The following MAT2B variants were observed in gnomAD, a reference collection of about 807,000 sequenced individuals.
MAT2B encodes methionine adenosyltransferase 2 non-catalytic beta subunit, also known as methionine adenosyltransferase 2 subunit beta.
Under a neutral mutation model 36.1 loss-of-function variants are expected in MAT2B, and 16 were observed. The ratio of observed to expected loss-of-function variants is 0.44; its 90% CI spans 0.30 to 0.67. MAT2B has a LOEUF of 0.67. MAT2B is among the 30% of genes least tolerant of loss of function. The probability of loss-of-function intolerance (pLI) is 0.09; values close to 1 mark genes in which losing one functional copy is unlikely to be tolerated. For missense variants in MAT2B, 332 were observed against 398.2 expected, an observed-to-expected ratio of 0.83 and a Z score of 1.42; for synonymous variants, 148 against 136.9, an observed-to-expected ratio of 1.08 and a Z score of -0.57.
rs774634478 is a variant in MAT2B at position 163,518,320 on chromosome 5, C to G, written c.962C>G (p.Pro321Arg). 1.2e-6 allele frequency: 2 copies of G among 1,613,522 alleles called. No individual in the cohort carries two copies. The highest frequency in any genetic ancestry group is 2.2e-5 in the East Asian group (1 of 44,874). The change falls in exon 7 of 7, where the codon CCT becomes CGT. Residue 321 changes from proline (P) to arginine (R), a missense_variant. Coordinates refer to ENST00000321757, the MANE Select transcript of MAT2B (RefSeq NM_013283.5). Reference sequence around the variant, plus strand: ...ATTGGAATCAAAGAATCACTTTGGCCTTTCCTCATTGACAAGAGATGGAGA... The same window carrying G: ...ATTGGAATCAAAGAATCACTTTGGCGTTTCCTCATTGACAAGAGATGGAGA... ...FRIGIKESLW[P>R]FLIDKRWRQT...
In MAT2B at chr5:163,518,327, C is replaced by A; in HGVS notation, c.969C>A (p.Leu323=). The A allele has an allele frequency of 6.2e-7, 1 of 1,612,914 alleles. No individual in the cohort carries two copies. Among genetic ancestry groups the A allele is most frequent in the African/African-American group, 1.3e-5 (1 of 74,880 alleles). Residue 323 remains leucine, a synonymous_variant, in exon 7 of 7, where the codon CTC becomes CTA. Coordinates refer to ENST00000321757, the MANE Select transcript of MAT2B (RefSeq NM_013283.5). ...IGIKESLWPF[L]IDKRWRQTVF... ...TCAAAGAATCACTTTGGCCTTTCCT[C>A]ATTGACAAGAGATGGAGACAAACGG...
At chr5:163,503,200 C>T (rs779174715), upstream of MAT2B, 4 of 545,354 alleles carry the variant, frequency 7.3e-6, no homozygotes, top group Admixed American at 1.0e-4. Context: ...CAGCTACCAG[C>T]TTACTGCCAT....
chr5:163,518,591 T>G lies in MAT2B; in HGVS notation c.*228T>G. On this transcript the variant is annotated 3_prime_UTR_variant, in exon 7 of 7. Transcript: ENST00000321757. ...ATCATTTTGTTTGTCCTGGCTAAAC[T>G]TGGAGTTTGAGTATAGTAAATTATG... 2.9e-6 allele frequency: 1 copy of G among 348,210 alleles called. No individual in the cohort carries two copies. Among genetic ancestry groups the G allele is most frequent in the Non-Finnish European group, 5.1e-6 (1 of 194,284 alleles). The allele number at this position is 348,210 out of a possible 1,614,324, so 21.6% of individuals were successfully genotyped here.
intron 1 of MAT2B, among the ~76,000 whole-genome samples, chr5:163,507,857 A>G (rs1375830025): frequency 2.0e-5 from 3 of 152,198 alleles, no homozygotes; most frequent in Admixed American, 2.0e-4. Context: ...AGGAAAAGTT[A>G]CCTTATTTAA....
In MAT2B at chr5:163,516,657, A is replaced by G; in HGVS notation, c.666A>G (p.Thr222=). 6.2e-7 allele frequency: 1 copy of G among 1,614,206 alleles called. No homozygotes were observed. Among genetic ancestry groups the G allele is most frequent in the Non-Finnish European group, 8.5e-7 (1 of 1,180,036 alleles). Residue 222 remains threonine, a synonymous_variant, in exon 5 of 7, where the codon ACA becomes ACG. Transcript: ENST00000321757. ...ATCACTGGCAGCAGAGGTTCCCCAC[A>G]CATGTCAAAGATGTGGCCACTGTGT... ...NMDHWQQRFP[T]HVKDVATVCR...
intron 1 of MAT2B, among the ~76,000 whole-genome samples, chr5:163,508,826 A>G (rs1184794645): frequency 6.6e-6 from 1 of 152,136 alleles, no homozygotes; most frequent in Non-Finnish European, 1.5e-5. Context: ...AGTGCTCAAG[A>G]TTTTTATTAA....
intron 2 of MAT2B, 103 bp downstream of exon 2, chr5:163,512,299 CTCTAAAGTTG>C: frequency 9.4e-7 from 1 of 1,058,400 alleles, no homozygotes. Context: ...TGTTTGAAAG[CTCTAAAGTTG>C]TATTATGCAG....
At chr5:163,513,692 T>C in intron 3 of MAT2B, 23 bp downstream of exon 3, 1 of 1,583,684 alleles carries the variant, frequency 6.3e-7, no homozygotes, top group Middle Eastern at 1.7e-4. Context: ...TTATAAAATT[T>C]TCATAAAATA....
chr5:163,517,932 TAA>T (rs762631285), intron 6 of MAT2B: 4 of 493,094 alleles, frequency 8.1e-6, no homozygotes, highest in African/African-American at 1.9e-5. Context: ...TTTCTTACAC[TAA>T]GAGCAAAAAT....
At position 163,518,451 on chromosome 5, in the gene MAT2B, A is replaced by G; in HGVS notation, c.*88A>G. The G allele has an allele frequency of 9.1e-7, 1 of 1,102,726 alleles. No individual in the cohort carries two copies. Among genetic ancestry groups the G allele is most frequent in the Admixed American group, 2.6e-5 (1 of 37,806 alleles). 68.3% of individuals were successfully genotyped at this position (1,102,726 alleles called of 1,614,324 possible). ...AGAACAAAGGAAATAGTTTTGTATG[A>G]GTACTTTAATTGTGACTCTTAGGAT... is the stretch of plus-strand genomic sequence containing the variant. On this transcript the variant is annotated 3_prime_UTR_variant, in exon 7 of 7. Coordinates refer to ENST00000321757, the MANE Select transcript of MAT2B (RefSeq NM_013283.5).
chr5:163,517,855 G>T, intron 6 of MAT2B, 181 bp downstream of exon 6: 2 of 516,582 alleles, frequency 3.9e-6, no homozygotes, highest in Non-Finnish European at 7.0e-6. Flanking sequence ...GAAGTTTGTA[G>T]AAAATGTATT....
At chr5:163,504,213 G>A (rs1221456746), upstream of MAT2B, among the ~76,000 whole-genome samples, 3 of 152,026 alleles carry the variant, frequency 2.0e-5, no homozygotes, top group East Asian at 3.9e-4. Context: ...CTGCTCCCCC[G>A]GCCCTCTTCC....
intron 1 of MAT2B, 147 bp downstream of exon 1, chr5:163,505,896 G>C: frequency 1.9e-6 from 1 of 533,098 alleles, no homozygotes; most frequent in Non-Finnish European, 2.9e-6. Flanking sequence ...CCCAGCCCCG[G>C]ATCCGAGGGG....
rs901166851 is a variant in MAT2B, at chr5:163,505,789, G to A, written c.63+40G>A. The A allele has an allele frequency of 4.0e-6, 5 of 1,246,464 alleles. No individual in the cohort carries two copies. In the African/African-American group the frequency reaches 6.2e-5, roughly 16 times the overall value. The allele number at this position is 1,246,464 out of a possible 1,614,324, so 77.2% of individuals were successfully genotyped here. A position where few individuals can be genotyped will look rare whatever the true frequency, so the allele number is the denominator to read the frequency against. On this transcript the variant is annotated intron_variant, in intron 1 of 6. Transcript: ENST00000321757. ...CTGGGCGTCTCCGGTGGGAGCGGGG[G>A]CGCCGAGGGGGACGAGCCACCGGGG... is the stretch of plus-strand genomic sequence containing the variant.
chr5:163,508,923 G>A (rs915306101), intron 1 of MAT2B, among the ~76,000 whole-genome samples: 11 of 152,106 alleles, frequency 7.2e-5, no homozygotes, highest in African/African-American at 2.7e-4. Context: ...TTATAGGCCG[G>A]GCGTACTGGA....
chr5:163,510,823 A>AAATGTTGATTAATTCTCT (rs1760027825), intron 1 of MAT2B, among the ~76,000 whole-genome samples: 1 of 152,290 alleles, frequency 6.6e-6, no homozygotes, highest in East Asian at 1.9e-4. Flanking sequence ...TATTCCTTTG[A>AAATGTTGATTAATTCTCT]AATGTTGATT....
intron 4 of MAT2B, among the ~76,000 whole-genome samples, chr5:163,514,791 A>G (rs1231544758): frequency 1.3e-5 from 2 of 152,198 alleles, no homozygotes; most frequent in African/African-American, 2.4e-5. Flanking sequence ...ACTAATGGAC[A>G]TTTAGTTTTT....
At chr5:163,515,201 T>C (rs1760112835) in intron 4 of MAT2B, among the ~76,000 whole-genome samples, 1 of 152,222 alleles carries the variant, frequency 6.6e-6, no homozygotes, top group African/African-American at 2.4e-5. Flanking sequence ...ATTCAAACCA[T>C]AGCAGTATCT....
upstream of MAT2B, among the ~76,000 whole-genome samples, chr5:163,503,692 T>G (rs1324789123): frequency 6.6e-6 from 1 of 152,228 alleles, no homozygotes; most frequent in African/African-American, 2.4e-5. Context: ...AATGCAATTA[T>G]GTATATAAAG....
Sources: allele counts gnomAD v4.1 joint callset (sites outside exome capture counted in the v4.1 genomes callset), GRCh38; gene constraint gnomAD v4.1.1; transcripts MANE v1.5; gene names NCBI Gene and HGNC (gene_info 2026-07-23, HGNC 2026-07-21).